The following RALGAPA2 variants were observed in gnomAD, a reference collection of about 807,000 sequenced individuals.
RALGAPA2 encodes ral GTPase-activating protein subunit alpha-2.
A neutral mutation model predicts 230.4 loss-of-function variants in RALGAPA2; 139 were observed. That is an observed-to-expected ratio of 0.60 (90% CI 0.53 to 0.69). The LOEUF (loss-of-function observed/expected upper bound fraction) is 0.69, where lower values mean the gene tolerates loss of function less well. RALGAPA2 is among the 30% of genes least tolerant of loss of function. The probability of loss-of-function intolerance (pLI) is 0.00; values close to 1 mark genes in which losing one functional copy is unlikely to be tolerated. For synonymous variants in RALGAPA2, 847 were observed against 837.8 expected (o/e 1.01, Z -0.19); for missense variants, 2,163 against 2,276.0 (o/e 0.95, Z 1.01).
chr20:20,659,190 T>C (rs2067688530), intron 3 of RALGAPA2, among the ~76,000 whole-genome samples: 2 of 152,220 alleles, frequency 1.3e-5, no homozygotes, highest in Admixed American at 1.3e-4. Context: ...ATTCTGTGAA[T>C]GCCTGTGCTA....
intron 8 of RALGAPA2, among the ~76,000 whole-genome samples, chr20:20,635,992 A>T (rs2066846368): frequency 6.6e-6 from 1 of 152,228 alleles, no homozygotes; most frequent in African/African-American, 2.4e-5. Context: ...AAAAGTATAT[A>T]TGAACTTTTA....
At chr20:20,645,038 G>A (rs1603183402) in intron 4 of RALGAPA2, among the ~76,000 whole-genome samples, 1 of 150,996 alleles carries the variant, frequency 6.6e-6, no homozygotes, top group Non-Finnish European at 1.5e-5. Context: ...CATTGTGTGT[G>A]AGCATTGGTG....
chr20:20,634,024 C>G (rs1252511750), intron 9 of RALGAPA2, among the ~76,000 whole-genome samples: 1 of 152,194 alleles, frequency 6.6e-6, no homozygotes, highest in Non-Finnish European at 1.5e-5. Flanking sequence ...TCCTTTGAAG[C>G]AACCTGTCTG....
intron 3 of RALGAPA2, among the ~76,000 whole-genome samples, chr20:20,655,845 A>G (rs1312441391): frequency 6.6e-6 from 1 of 152,212 alleles, no homozygotes. Context: ...ATAAGTGGGT[A>G]GAGGGGCTGT....
intron 4 of RALGAPA2, among the ~76,000 whole-genome samples, chr20:20,652,919 C>T (rs1021874928): frequency 1.3e-5 from 2 of 152,034 alleles, no homozygotes; most frequent in South Asian, 2.1e-4. Flanking sequence ...TGGCTGGGCA[C>T]GGTGGCTTAC....
intron 2 of RALGAPA2, among the ~76,000 whole-genome samples, chr20:20,678,044 T>C (rs2068396204): frequency 6.6e-6 from 1 of 152,054 alleles, no homozygotes; most frequent in South Asian, 2.1e-4. Context: ...CTGCAGCTAA[T>C]GCTATAATCC....
chr20:20,685,334 T>C (rs142371591), intron 1 of RALGAPA2, among the ~76,000 whole-genome samples: 28 of 152,354 alleles, frequency 1.8e-4, no homozygotes. Context: ...AAGCCCATGC[T>C]GGACACCAAA....
chr20:20,666,223 C>T (rs912704427), intron 3 of RALGAPA2, among the ~76,000 whole-genome samples: 2 of 152,202 alleles, frequency 1.3e-5, no homozygotes, highest in African/African-American at 4.8e-5. Context: ...TCTTTGTCAG[C>T]TCAGTTCTTT....
chr20:20,691,870 C>T (rs1264596322), intron 1 of RALGAPA2, among the ~76,000 whole-genome samples: 1 of 152,158 alleles, frequency 6.6e-6, no homozygotes, highest in African/African-American at 2.4e-5. Flanking sequence ...GGAGGTGGGG[C>T]CTGGTGGAAG....
At chr20:20,641,302 G>A (rs539668645) in intron 5 of RALGAPA2, among the ~76,000 whole-genome samples, 2 of 152,158 alleles carry the variant, frequency 1.3e-5, no homozygotes, top group Non-Finnish European at 2.9e-5. Flanking sequence ...ATCTTATTCT[G>A]TAAGGCAACA....
chr20:20,579,753 T>C (rs900863595), intron 20 of RALGAPA2, among the ~76,000 whole-genome samples: 4 of 152,188 alleles, frequency 2.6e-5, no homozygotes, highest in Non-Finnish European at 5.9e-5. Context: ...TGGCGTGAGG[T>C]AGGAATTCTA....
chr20:20,591,252 C>G lies in RALGAPA2; in HGVS notation c.2266G>C (p.Gly756Arg). ...PAAGSGHLTV[G>R]QQQQVLRSSS... ...CTCCGAAGGACCTGCTGCTGCTGTC[C>G]CACTGTGAGATGGCCAGATCCGGCT... Residue 756 changes from glycine to arginine, a missense_variant, in exon 17 of 40, where the codon GGA becomes CGA. Coordinates refer to ENST00000202677, the MANE Select transcript of RALGAPA2 (RefSeq NM_020343.4). 3 of 1,613,864 alleles carry G rather than the reference C, an allele frequency of 1.9e-6. No homozygotes were observed. The highest frequency in any genetic ancestry group is 2.5e-6 in the Non-Finnish European group (3 of 1,179,836).
chr20:20,420,770 T>C (rs1330356927), intron 37 of RALGAPA2, among the ~76,000 whole-genome samples: 1 of 152,070 alleles, frequency 6.6e-6, no homozygotes, highest in Non-Finnish European at 1.5e-5. Flanking sequence ...AATAGTACCC[T>C]GTTTCGAATG....
intron 1 of RALGAPA2, among the ~76,000 whole-genome samples, chr20:20,695,460 G>A (rs1313393568): frequency 6.6e-6 from 1 of 152,210 alleles, no homozygotes; most frequent in Non-Finnish European, 1.5e-5. Context: ...GTCACAATGA[G>A]ACCCATTCCC....
At chr20:20,455,509 C>T (rs935456037) in intron 37 of RALGAPA2, among the ~76,000 whole-genome samples, 1 of 152,214 alleles carries the variant, frequency 6.6e-6, no homozygotes, top group African/African-American at 2.4e-5. Context: ...GTTTAAAAAA[C>T]ACAGGCAACA....
intron 16 of RALGAPA2, among the ~76,000 whole-genome samples, chr20:20,594,854 A>G (rs1364369468): frequency 6.7e-6 from 1 of 149,776 alleles, no homozygotes; most frequent in Non-Finnish European, 1.5e-5. Flanking sequence ...TCAGCCTCCC[A>G]AGCAGCTGGG....
chr20:20,430,822 A>C (rs1358033649), intron 37 of RALGAPA2, among the ~76,000 whole-genome samples: 1 of 152,160 alleles, frequency 6.6e-6, no homozygotes, highest in African/African-American at 2.4e-5. Context: ...GTAGACCCCA[A>C]AGGTTAAGGA....
At chr20:20,620,016 G>T (rs2066272374) in intron 11 of RALGAPA2, among the ~76,000 whole-genome samples, 1 of 152,176 alleles carries the variant, frequency 6.6e-6, no homozygotes. Context: ...CTGCTGTTTG[G>T]TTAGTCCTTT....
intron 35 of RALGAPA2, among the ~76,000 whole-genome samples, chr20:20,502,041 G>C (rs2062392150): frequency 6.6e-6 from 1 of 152,054 alleles, no homozygotes. Flanking sequence ...ATCACCATAT[G>C]AGATAATGAT....
Sources: gnomAD v4.1 joint callset for allele counts (sites outside exome capture counted in the v4.1 genomes callset) on GRCh38, gnomAD v4.1.1 for gene constraint, MANE v1.5 for transcripts, NCBI Gene and HGNC (gene_info 2026-07-23, HGNC 2026-07-21) for gene names.